The following IBSP variants were observed in gnomAD, a reference collection of about 807,000 sequenced individuals.
IBSP encodes the protein integrin-binding sialoprotein.
IBSP carries 19 observed loss-of-function variants against 25.5 expected under a neutral mutation model. That is an observed-to-expected ratio of 0.74 (90% CI 0.52 to 1.09). The LOEUF (loss-of-function observed/expected upper bound fraction) is 1.09. Ranked by LOEUF, IBSP falls within the 50% of genes least tolerant of loss-of-function variation. The pLI, the probability that IBSP is intolerant of heterozygous loss-of-function variation, is 0.00. For missense variants in IBSP, 360 were observed against 382.3 expected, an observed-to-expected ratio of 0.94 and a Z score of 0.49; for synonymous variants, 144 against 137.6, an observed-to-expected ratio of 1.05 and a Z score of -0.33.
chr4:87,800,902 C>T (rs1722004151), intron 1 of IBSP, among the ~76,000 whole-genome samples: 1 of 151,990 alleles, frequency 6.6e-6, no homozygotes, highest in African/African-American at 2.4e-5. Flanking sequence ...ATTTTGCTTC[C>T]AAAATATTGC....
intron 4 of IBSP, among the ~76,000 whole-genome samples, chr4:87,804,865 C>A (rs1289867168): frequency 1.3e-5 from 2 of 152,124 alleles, no homozygotes; most frequent in Admixed American, 1.3e-4. Flanking sequence ...GATTGAAATA[C>A]CCCCACTGAG....
chr4:87,806,724 G>C (rs1309338446), intron 5 of IBSP, among the ~76,000 whole-genome samples: 2 of 151,928 alleles, frequency 1.3e-5, no homozygotes, highest in Non-Finnish European at 2.9e-5. Context: ...AAAATTTCAG[G>C]CTTGTTGTGG....
At position 87,807,654 on chromosome 4, in the gene IBSP, G is replaced by A. The variant is rs115027714; in HGVS notation, c.246+1470G>A. On this transcript the variant is annotated intron_variant, in intron 5 of 6. Transcript: ENST00000226284. Reference sequence around the variant, plus strand: ...GCATAACTTTTGGGAGTGGCTCTTCGTTTGTTGTTGTGGTGGTTGAGGACT... The same window carrying A: ...GCATAACTTTTGGGAGTGGCTCTTCATTTGTTGTTGTGGTGGTTGAGGACT... 2.8e-3 allele frequency among the ~76,000 whole-genome samples: 428 copies of A among 152,278 alleles called. 3 individuals carry two copies. The highest frequency in any genetic ancestry group is 9.4e-3 in the African/African-American group (389 of 41,554).
intron 1 of IBSP, among the ~76,000 whole-genome samples, chr4:87,801,504 ACACAC>A: frequency 6.6e-6 from 1 of 150,958 alleles, no homozygotes; most frequent in Non-Finnish European, 1.5e-5. Context: ...ACACACACAC[ACACAC>A]ACACACGCAT....
At chr4:87,800,920 G>A (rs947815868) in intron 1 of IBSP, among the ~76,000 whole-genome samples, 1 of 152,184 alleles carries the variant, frequency 6.6e-6, no homozygotes, top group African/African-American at 2.4e-5. Flanking sequence ...TGCCAAAGCT[G>A]TGACTGTGTA....
rs779744934 is a variant in IBSP, at chr4:87,811,503, A to G, written c.547A>G (p.Ser183Gly). The G allele has an allele frequency of 6.2e-7, 1 of 1,614,144 alleles. No individual in the cohort carries two copies. The highest frequency in any genetic ancestry group is 1.1e-5 in the South Asian group (1 of 91,070). The change falls in exon 7 of 7, where the codon AGC becomes GGC. Residue 183 changes from serine to glycine, a missense_variant. Physicochemically the swap from Ser to Gly is moderately conservative, Grantham distance 56. Coordinates refer to ENST00000226284, the MANE Select transcript of IBSP (RefSeq NM_004967.4). ...AGGCATAAACGGCACCAGTACCAACAGCACAGAGGCAGAAAACGGCAACGG... is the reference window on the plus strand; with the variant it reads ...AGGCATAAACGGCACCAGTACCAACGGCACAGAGGCAGAAAACGGCAACGG... The part of the protein sequence containing the change: ...EQGINGTSTN[S>G]TEAENGNGSS...
chr4:87,807,751 A>T (rs1320325856), intron 5 of IBSP, among the ~76,000 whole-genome samples: 1 of 152,182 alleles, frequency 6.6e-6, no homozygotes, highest in Non-Finnish European at 1.5e-5. Context: ...AGGATCTCTG[A>T]ACATTTAAGG....
Position 87,802,521 on chromosome 4 carries a change from A to G in IBSP, c.68A>G (p.His23Arg), listed in dbSNP as rs996868233. ...MACAFSMKNL[H>R]RRVKIEDSEE... Reference sequence around the variant, plus strand: ...TCTTTAAAACAGATGAAAAATTTGCATCGAAGAGTCAAAATAGAGGATTCT... The same window carrying G: ...TCTTTAAAACAGATGAAAAATTTGCGTCGAAGAGTCAAAATAGAGGATTCT... Residue 23 changes from histidine to arginine, a missense_variant, in exon 3 of 7, where the codon CAT becomes CGT. By Grantham distance (29) the His-to-Arg change is conservative (BLOSUM62 0). Coordinates refer to ENST00000226284, the MANE Select transcript of IBSP (RefSeq NM_004967.4). The G allele has an allele frequency of 1.2e-6, 2 of 1,605,770 alleles. No homozygotes were observed. Among genetic ancestry groups the G allele is most frequent in the African/African-American group, 2.7e-5 (2 of 74,474 alleles).
At chr4:87,807,756 T>A (rs991836721) in intron 5 of IBSP, among the ~76,000 whole-genome samples, 5 of 152,186 alleles carry the variant, frequency 3.3e-5, no homozygotes, top group African/African-American at 1.2e-4. Context: ...CTCTGAACAT[T>A]TAAGGTCTTC....
chr4:87,802,531 CAAAAT>C lies in IBSP; in HGVS notation c.80_84del (p.Lys27ArgfsTer4). On this transcript the variant is annotated frameshift_variant, in exon 3 of 7. Transcript: ENST00000226284. LOFTEE classifies it high-confidence loss of function. ...AGATGAAAAATTTGCATCGAAGAGT[CAAAAT>C]AGAGGATTCTGAAGAAAATGGGGTA... 6.2e-7 allele frequency: 1 copy of C among 1,606,142 alleles called. No individual in the cohort carries two copies. The highest frequency in any genetic ancestry group is 8.5e-7 in the Non-Finnish European group (1 of 1,176,986).
intron 5 of IBSP, among the ~76,000 whole-genome samples, chr4:87,809,806 A>C (rs1221068177): frequency 6.6e-6 from 1 of 152,204 alleles, no homozygotes; most frequent in African/African-American, 2.4e-5. Context: ...TTGACTTTTT[A>C]TATTAGCTAC....
chr4:87,803,214 T>C (rs746715358), intron 4 of IBSP, among the ~76,000 whole-genome samples: 1 of 152,146 alleles, frequency 6.6e-6, no homozygotes, highest in Non-Finnish European at 1.5e-5. Flanking sequence ...TGATAATCAA[T>C]GGTAATTTCT....
At chr4:87,811,258 GA>G in intron 6 of IBSP, 103 bp from the exon 7 acceptor site, 1 of 1,296,520 alleles carries the variant, frequency 7.7e-7, no homozygotes, top group South Asian at 1.6e-5. Flanking sequence ...ATTCAAATAA[GA>G]CGCCTAGAAT....
chr4:87,808,769 T>C (rs1722127870), intron 5 of IBSP, among the ~76,000 whole-genome samples: 1 of 152,242 alleles, frequency 6.6e-6, no homozygotes, highest in Non-Finnish European at 1.5e-5. Flanking sequence ...TCATCCATGT[T>C]GTTCTGTAGT....
chr4:87,811,913 C>A lies in IBSP; in HGVS notation c.*3C>A. The A allele has an allele frequency of 1.3e-6, 2 of 1,514,378 alleles. No homozygotes were observed. Among genetic ancestry groups the A allele is most frequent in the Admixed American group, 2.3e-5 (1 of 43,848 alleles). 93.8% of individuals were successfully genotyped at this position (1,514,378 alleles called of 1,614,324 possible). ...AGAATTACTACCACCACCAGTGAAG[C>A]TCCAGCCTGGGATGAATTCATCCAT... On this transcript the variant is annotated 3_prime_UTR_variant, in exon 7 of 7. Coordinates refer to ENST00000226284, the MANE Select transcript of IBSP (RefSeq NM_004967.4).
Position 87,802,718 on chromosome 4 carries a change from G to C in IBSP, c.170G>C (p.Arg57Pro). The change falls in exon 4 of 7, where the codon CGA becomes CCA. Residue 57 changes from arginine to proline, a missense_variant. Coordinates refer to ENST00000226284, the MANE Select transcript of IBSP (RefSeq NM_004967.4). ...KHAYFYPHLK[R>P]FPVQGSSDSS... ...GCCTACTTTTATCCTCATTTAAAAC[G>C]ATTTCCAGTTCAGGTAAATATAGAA... The C allele has an allele frequency of 2.6e-6, 4 of 1,542,652 alleles. No individual in the cohort carries two copies. The highest frequency in any genetic ancestry group is 3.5e-6 in the Non-Finnish European group (4 of 1,153,014).
intron 5 of IBSP, among the ~76,000 whole-genome samples, chr4:87,810,050 G>A (rs1351792151): frequency 2.0e-5 from 3 of 151,938 alleles, no homozygotes; most frequent in Admixed American, 6.6e-5. Flanking sequence ...ACGGTGAAAC[G>A]CCGTTTCTAC....
At chr4:87,811,193 G>A (rs1465661825) in intron 6 of IBSP, among the ~76,000 whole-genome samples, 169 bp from the exon 7 acceptor site, 1 of 151,980 alleles carries the variant, frequency 6.6e-6, no homozygotes, top group Non-Finnish European at 1.5e-5. Context: ...ATGACAAAGG[G>A]GTTTATCCTG....
chr4:87,802,855 A>G, intron 4 of IBSP, 124 bp downstream of exon 4: 1 of 628,938 alleles, frequency 1.6e-6, no homozygotes, highest in Non-Finnish European at 2.6e-6. Flanking sequence ...ACTGCTTACT[A>G]TAAGAAGTTT....
Sources: allele counts gnomAD v4.1 joint callset (sites outside exome capture counted in the v4.1 genomes callset), GRCh38; gene constraint gnomAD v4.1.1; transcripts MANE v1.5; gene names NCBI Gene and HGNC (gene_info 2026-07-23, HGNC 2026-07-21).